The following AP3B1 variants were observed in gnomAD, a reference collection of about 807,000 sequenced individuals.
AP3B1 encodes the protein AP-3 complex subunit beta-1.
Under a neutral mutation model 132.5 loss-of-function variants are expected in AP3B1, and 61 were observed. The observed-to-expected ratio is 0.46, with a 90% CI of 0.37 to 0.57. The LOEUF is 0.57. Ranked by LOEUF, AP3B1 falls within the 20% of genes least tolerant of loss-of-function variation. The pLI is 0.00. For missense variants in AP3B1, 1,120 were observed against 1,289.4 expected, an observed-to-expected ratio of 0.87 and a Z score of 2.01; for synonymous variants, 388 against 438.3, an observed-to-expected ratio of 0.89 and a Z score of 1.43.
chr5:78,236,036 T>C (rs1746864685), intron 3 of AP3B1, among the ~76,000 whole-genome samples: 2 of 152,058 alleles, frequency 1.3e-5, no homozygotes, highest in Admixed American at 6.5e-5. Context: ...GGCTTAACCA[T>C]GTTTCAAAAA....
intron 23 of AP3B1, among the ~76,000 whole-genome samples, chr5:78,035,036 T>C (rs536563165): frequency 6.6e-6 from 1 of 152,042 alleles, no homozygotes; most frequent in African/African-American, 2.4e-5. Flanking sequence ...TTGTGGCAGA[T>C]TAGATTATCT....
chr5:78,178,665 A>C (rs1744249154), intron 8 of AP3B1, among the ~76,000 whole-genome samples: 1 of 152,112 alleles, frequency 6.6e-6, no homozygotes, highest in African/African-American at 2.4e-5. Flanking sequence ...TCTTTGTCTC[A>C]AAACAGAAGA....
chr5:78,245,401 T>C (rs1323696440), intron 2 of AP3B1, among the ~76,000 whole-genome samples: 3 of 152,202 alleles, frequency 2.0e-5, no homozygotes, highest in African/African-American at 7.2e-5. Flanking sequence ...AAGGAGTGTC[T>C]TTCTCCTTGA....
chr5:78,129,464 T>A (rs1752601978), intron 15 of AP3B1, among the ~76,000 whole-genome samples, 157 bp from the exon 16 acceptor site: 1 of 152,128 alleles, frequency 6.6e-6, no homozygotes, highest in Admixed American at 6.6e-5. Flanking sequence ...AAATGGAATT[T>A]TGAAGCCAAA....
chr5:78,073,431 A>C (rs1425335191), intron 22 of AP3B1, among the ~76,000 whole-genome samples: 2 of 152,316 alleles, frequency 1.3e-5, no homozygotes, highest in Admixed American at 1.3e-4. Context: ...ATAATGCTTA[A>C]AAACTATATT....
chr5:78,185,175 G>A (rs1323582467), intron 7 of AP3B1, among the ~76,000 whole-genome samples: 2 of 152,142 alleles, frequency 1.3e-5, no homozygotes, highest in African/African-American at 4.8e-5. Context: ...GGGAACTAGA[G>A]TATTTGTTAT....
chr5:78,159,152 T>G (rs1047771204), intron 13 of AP3B1, among the ~76,000 whole-genome samples: 1 of 152,214 alleles, frequency 6.6e-6, no homozygotes, highest in African/African-American at 2.4e-5. Context: ...GTAAGTGTGG[T>G]TTTAAAGAAT....
rs1750495772 is a variant in AP3B1 at position 78,091,247 on chromosome 5, T to C, written c.2471-1748A>G. On this transcript the variant is annotated intron_variant, in intron 21 of 26. Coordinates refer to ENST00000255194, the MANE Select transcript of AP3B1 (RefSeq NM_003664.5). ...TTCAAGATCCTCAAGTAACAAAACC[T>C]AATTAAGAAAAAGAGATACATGTAT... 6.6e-5 allele frequency among the ~76,000 whole-genome samples: 4 copies of C among 60,518 alleles called. No individual in the cohort carries two copies. In the South Asian group the frequency reaches 1.9e-3, roughly 28 times the overall value. The allele number at this position is 60,518 out of a possible 152,430, so 39.7% of individuals were successfully genotyped here.
At chr5:78,200,758 A>G (rs1336156856) in intron 7 of AP3B1, among the ~76,000 whole-genome samples, 2 of 152,184 alleles carry the variant, frequency 1.3e-5, no homozygotes, top group Non-Finnish European at 2.9e-5. Flanking sequence ...AATGAATAAC[A>G]TTAACGTTAC....
chr5:78,162,951 TC>T lies in AP3B1; in HGVS notation c.1231-1del. ...TGTTTATCCTGGCTTTTCACATAGGTCTAAAAGATATTATTTCAATTAGTTT... is the reference window on the plus strand; with the variant it reads ...TGTTTATCCTGGCTTTTCACATAGGTTAAAAGATATTATTTCAATTAGTTT... On this transcript the variant is annotated splice_acceptor_variant, in intron 12 of 26. Coordinates refer to ENST00000255194, the MANE Select transcript of AP3B1 (RefSeq NM_003664.5). LOFTEE classifies it high-confidence loss of function. The T allele has an allele frequency of 6.2e-7, 1 of 1,613,338 alleles. No individual in the cohort carries two copies. Among genetic ancestry groups the T allele is most frequent in the Non-Finnish European group, 8.5e-7 (1 of 1,179,416 alleles).
At chr5:78,285,611 A>G (rs921491965) in intron 1 of AP3B1, among the ~76,000 whole-genome samples, 2 of 152,104 alleles carry the variant, frequency 1.3e-5, no homozygotes, top group African/African-American at 4.8e-5. Context: ...CTCCACATGG[A>G]TGCCTAATCG....
chr5:78,257,194 T>C (rs113129069), intron 2 of AP3B1, among the ~76,000 whole-genome samples: 19 of 152,154 alleles, frequency 1.2e-4, no homozygotes, highest in African/African-American at 4.6e-4. Flanking sequence ...GAGAAAGACA[T>C]AAAGGGTCTC....
intron 22 of AP3B1, among the ~76,000 whole-genome samples, chr5:78,076,865 C>G (rs1749789230): frequency 6.6e-6 from 1 of 152,130 alleles, no homozygotes; most frequent in South Asian, 2.1e-4. Context: ...ACATTTGGAA[C>G]CCTCCTAGAA....
At chr5:78,005,525 G>T (rs886260106) in intron 26 of AP3B1, among the ~76,000 whole-genome samples, 6 of 152,168 alleles carry the variant, frequency 3.9e-5, no homozygotes, top group Admixed American at 3.3e-4. Flanking sequence ...AAGAATAGGG[G>T]TATGAAAGAA....
intron 1 of AP3B1, among the ~76,000 whole-genome samples, chr5:78,272,208 C>T (rs988344074): frequency 2.0e-5 from 3 of 152,192 alleles, no homozygotes; most frequent in Non-Finnish European, 2.9e-5. Flanking sequence ...AACCTGTAAG[C>T]CCCCTGCTTC....
At chr5:78,234,865 T>C (rs945668999) in intron 3 of AP3B1, among the ~76,000 whole-genome samples, 1 of 152,212 alleles carries the variant, frequency 6.6e-6, no homozygotes, top group African/African-American at 2.4e-5. Context: ...TATAATTCAT[T>C]GAACAGCAAA....
chr5:78,015,727 A>T (rs1746830701), intron 25 of AP3B1, 179 bp from the exon 26 acceptor site: 3 of 610,734 alleles, frequency 4.9e-6, no homozygotes, highest in Non-Finnish European at 8.4e-6. Flanking sequence ...GAAGTTTTTT[A>T]AAATCCTCAT....
At chr5:78,292,064 C>T (rs1320110690) in intron 1 of AP3B1, among the ~76,000 whole-genome samples, 2 of 151,838 alleles carry the variant, frequency 1.3e-5, no homozygotes, top group Non-Finnish European at 2.9e-5. Context: ...ATTGGTAAAT[C>T]TGCAAAAGGG....
chr5:78,189,104 A>C (rs1361285942), intron 7 of AP3B1, among the ~76,000 whole-genome samples: 1 of 152,142 alleles, frequency 6.6e-6, no homozygotes, highest in East Asian at 1.9e-4. Flanking sequence ...GCATTAGGGA[A>C]AAGAGCTAAT....
Sources: allele counts gnomAD v4.1 joint callset (sites outside exome capture counted in the v4.1 genomes callset), GRCh38; gene constraint gnomAD v4.1.1; transcripts MANE v1.5; gene names NCBI Gene and HGNC (gene_info 2026-07-23, HGNC 2026-07-21).